The following SIPA1L1 variants were observed in gnomAD, a reference collection of about 807,000 sequenced individuals.
SIPA1L1 encodes the protein signal induced proliferation associated 1 like 1.
SIPA1L1 carries 26 observed loss-of-function variants against 162.7 expected under a neutral mutation model. The ratio of observed to expected loss-of-function variants is 0.16; its 90% CI spans 0.12 to 0.22. The LOEUF (loss-of-function observed/expected upper bound fraction) is 0.22, where lower values mean the gene tolerates loss of function less well. SIPA1L1 is among the 10% of genes least tolerant of loss of function. The pLI, the probability that SIPA1L1 is intolerant of heterozygous loss-of-function variation, is 1.00. For missense variants in SIPA1L1, 1,874 were observed against 2,241.0 expected, an observed-to-expected ratio of 0.84 and a Z score of 3.31; for synonymous variants, 829 against 837.4, an observed-to-expected ratio of 0.99 and a Z score of 0.17.
chr14:71,435,372 G>A (rs1265633686), intron 2 of SIPA1L1, among the ~76,000 whole-genome samples: 2 of 151,894 alleles, frequency 1.3e-5, no homozygotes, highest in Non-Finnish European at 2.9e-5. Context: ...TCCCCTTCCT[G>A]TGTCCAAGTG....
chr14:71,435,425 GT>G (rs1258919666), intron 2 of SIPA1L1, among the ~76,000 whole-genome samples: 1 of 152,120 alleles, frequency 6.6e-6, no homozygotes, highest in Admixed American at 6.5e-5. Flanking sequence ...AACATGCGGT[GT>G]TTGGTTTTTT....
At chr14:71,698,880 G>A in intron 13 of SIPA1L1, 101 bp from the exon 14 acceptor site, 1 of 1,136,728 alleles carries the variant, frequency 8.8e-7, no homozygotes, top group Non-Finnish European at 1.2e-6. Context: ...TCTCCATGAA[G>A]TCACTGTTTT....
chr14:71,495,677 G>T (rs2108049), intron 2 of SIPA1L1, among the ~76,000 whole-genome samples: 24,714 of 151,080 alleles, frequency 0.16, 2,625 homozygotes, highest in Middle Eastern at 0.35. Flanking sequence ...CTTGCTTGGG[G>T]TTACTTTACT....
intron 2 of SIPA1L1, among the ~76,000 whole-genome samples, chr14:71,393,400 T>C (rs140544618): frequency 4.6e-5 from 7 of 152,288 alleles, no homozygotes; most frequent in African/African-American, 1.7e-4. Context: ...GGGTGTACAC[T>C]ATGGACAACT....
At chr14:71,642,747 A>C (rs1596590683) in intron 7 of SIPA1L1, among the ~76,000 whole-genome samples, 1 of 152,194 alleles carries the variant, frequency 6.6e-6, no homozygotes, top group Admixed American at 6.5e-5. Flanking sequence ...TTAAACAATT[A>C]AAACCACAAA....
At chr14:71,601,439 T>A (rs2036735584) in intron 5 of SIPA1L1, among the ~76,000 whole-genome samples, 1 of 152,192 alleles carries the variant, frequency 6.6e-6, no homozygotes, top group Admixed American at 6.5e-5. Flanking sequence ...CTGAGATAAA[T>A]CCCACTTGGT....
At chr14:71,487,364 A>C (rs950277377) in intron 2 of SIPA1L1, among the ~76,000 whole-genome samples, 4 of 152,194 alleles carry the variant, frequency 2.6e-5, no homozygotes, top group African/African-American at 4.8e-5. Context: ...AGAAAATGAG[A>C]TAGTTCCTGT....
chr14:71,340,925 C>T (rs973478591), intron 2 of SIPA1L1, among the ~76,000 whole-genome samples: 4 of 152,118 alleles, frequency 2.6e-5, no homozygotes, highest in Admixed American at 6.5e-5. Flanking sequence ...GACAACAGAG[C>T]GAGACTCCGT....
At position 71,705,310 on chromosome 14, in the gene SIPA1L1, G is replaced by GGTTC; in HGVS notation, c.3736_3739dup (p.His1247ArgfsTer12). Reference sequence around the variant, plus strand: ...GGAGATTAATGCGGCAGGATCCAGTGGTTCATTTGTCTCCAAACAAACAAG... The same window carrying GGTTC: ...GGAGATTAATGCGGCAGGATCCAGTGGTTCGTTCATTTGTCTCCAAACAAACAAG... On this transcript the variant is annotated frameshift_variant, in exon 16 of 24. Coordinates refer to ENST00000381232, the MANE Select transcript of SIPA1L1 (RefSeq NM_001386936.1). LOFTEE classifies it high-confidence loss of function. 1 of 1,614,022 alleles carries GGTTC rather than the reference G, an allele frequency of 6.2e-7. No homozygotes were observed. Among genetic ancestry groups the GGTTC allele is most frequent in the Non-Finnish European group, 8.5e-7 (1 of 1,179,908 alleles).
chr14:71,661,537 T>G, intron 10 of SIPA1L1, 70 bp downstream of exon 10: 1 of 1,504,532 alleles, frequency 6.6e-7, no homozygotes, highest in Middle Eastern at 1.9e-4. Flanking sequence ...CCCATTCAGC[T>G]CTGCATTCTA....
intron 10 of SIPA1L1, among the ~76,000 whole-genome samples, chr14:71,667,728 A>G (rs897751171): frequency 6.6e-6 from 1 of 152,100 alleles, no homozygotes; most frequent in Non-Finnish European, 1.5e-5. Flanking sequence ...CCAAAGTTCA[A>G]ATGTCTTATA....
intron 5 of SIPA1L1, among the ~76,000 whole-genome samples, chr14:71,599,306 A>T (rs1461696165): frequency 6.6e-6 from 1 of 151,554 alleles, no homozygotes; most frequent in Admixed American, 6.6e-5. Flanking sequence ...ATGCGCCACC[A>T]TGCCTGGCTA....
chr14:71,421,760 C>G (rs75226431), intron 2 of SIPA1L1, among the ~76,000 whole-genome samples: 4,630 of 152,054 alleles, frequency 0.03, 130 homozygotes, highest in African/African-American at 0.077. Flanking sequence ...ATTGGAGATG[C>G]AATTACCTGG....
chr14:71,590,040 AAAAAATATATATAT>A (rs1478674775), intron 5 of SIPA1L1, among the ~76,000 whole-genome samples: 79 of 64,624 alleles, frequency 1.2e-3, no homozygotes, highest in African/African-American at 1.4e-3. Flanking sequence ...AAAAAAAAAA[AAAAAATATATATAT>A]ATATATATAT....
chr14:71,333,676 C>T (rs185188500), intron 2 of SIPA1L1, among the ~76,000 whole-genome samples: 213 of 152,262 alleles, frequency 1.4e-3, no homozygotes, highest in Non-Finnish European at 2.5e-3. Context: ...GTGGCAGATA[C>T]GTTCTCATCC....
In SIPA1L1 at chr14:71,588,060, A is replaced by G. The variant is rs535654409; in HGVS notation, c.188A>G (p.His63Arg). Residue 63 changes from histidine (H) to arginine (R), a missense_variant, in exon 5 of 24, where the codon CAC becomes CGC. This residue lies in a region of SIPA1L1 where 685 missense variants were observed against 828.0 expected (regional missense o/e 0.83). Transcript: ENST00000381232. This position sits in a 1 kb window ranked among gnomAD's most constrained non-coding sequence, Gnocchi z 4.3. ...PVGPPRSEGS[H>R]HITSTPGVPK... ...GGACCCCCCCGAAGTGAAGGTTCTC[A>G]CCATATAACCTCAACCCCCGGAGTC... 1 of 1,614,118 alleles carries G rather than the reference A, an allele frequency of 6.2e-7. No homozygotes were observed. Among genetic ancestry groups the G allele is most frequent in the East Asian group, 2.2e-5 (1 of 44,876 alleles).
At chr14:71,683,079 A>C (rs1379671338) in intron 12 of SIPA1L1, among the ~76,000 whole-genome samples, 1 of 152,200 alleles carries the variant, frequency 6.6e-6, no homozygotes, top group Non-Finnish European at 1.5e-5. Flanking sequence ...ACTTGAGCCC[A>C]GGAGGTTGAG....
intron 12 of SIPA1L1, among the ~76,000 whole-genome samples, chr14:71,679,069 T>A (rs1294096039): frequency 6.6e-6 from 1 of 152,034 alleles, no homozygotes; most frequent in Non-Finnish European, 1.5e-5. Context: ...ACATTCATAT[T>A]CAGGAAATAC....
intron 5 of SIPA1L1, among the ~76,000 whole-genome samples, chr14:71,599,896 C>T (rs533710996): frequency 6.6e-6 from 1 of 151,896 alleles, no homozygotes; most frequent in African/African-American, 2.4e-5. Context: ...TTTTATATAC[C>T]TATTGGCCAT....
Sources: allele counts gnomAD v4.1 joint callset (sites outside exome capture counted in the v4.1 genomes callset), GRCh38; gene constraint gnomAD v4.1.1; regional missense constraint gnomAD v4.1.1; non-coding constraint Gnocchi (gnomAD v3.1); transcripts MANE v1.5; gene names NCBI Gene and HGNC (gene_info 2026-07-23, HGNC 2026-07-21).